The following WDR7 variants were observed in gnomAD, a reference collection of about 807,000 sequenced individuals.
The protein encoded by WDR7 is WD repeat-containing protein 7.
WDR7 carries 46 observed loss-of-function variants against 169.4 expected under a neutral mutation model. The ratio of observed to expected loss-of-function variants is 0.27; its 90% CI spans 0.21 to 0.35. WDR7 has a LOEUF of 0.35. WDR7 is among the 10% of genes least tolerant of loss of function. WDR7 has a pLI of 1.00. For synonymous variants in WDR7, 612 were observed against 666.8 expected, an observed-to-expected ratio of 0.92 and a Z score of 1.27; for missense variants, 1,534 against 1,859.3, an observed-to-expected ratio of 0.83 and a Z score of 3.22.
chr18:56,777,542 C>G (rs1298554810), intron 17 of WDR7, among the ~76,000 whole-genome samples: 1 of 152,094 alleles, frequency 6.6e-6, no homozygotes, highest in African/African-American at 2.4e-5. Flanking sequence ...TCCATAAGAC[C>G]TATCTAGGAT....
chr18:56,796,172 C>T (rs2044582717), intron 19 of WDR7, among the ~76,000 whole-genome samples: 2 of 152,154 alleles, frequency 1.3e-5, no homozygotes, highest in South Asian at 2.1e-4. Context: ...GTTCTCCCAG[C>T]TGGTGGAATT....
At chr18:56,817,790 G>A (rs1482987751) in intron 20 of WDR7, among the ~76,000 whole-genome samples, 3 of 150,314 alleles carry the variant, frequency 2.0e-5, no homozygotes, top group Non-Finnish European at 4.4e-5. Flanking sequence ...TTGTTGCCCA[G>A]GTTGGGGTGC....
chr18:56,737,496 G>T (rs1466965495), intron 14 of WDR7, among the ~76,000 whole-genome samples: 2 of 152,186 alleles, frequency 1.3e-5, no homozygotes, highest in Non-Finnish European at 2.9e-5. Context: ...AAATGATGAG[G>T]TTGAGGAAGT....
intron 16 of WDR7, among the ~76,000 whole-genome samples, chr18:56,764,587 A>C (rs1027394153): frequency 6.6e-6 from 1 of 152,134 alleles, no homozygotes; most frequent in African/African-American, 2.4e-5. Flanking sequence ...TTTTAAGTAT[A>C]TAATACATTG....
In WDR7 at chr18:56,924,007, G is replaced by C. The variant is rs149456946; in HGVS notation, c.3612G>C (p.Leu1204=). The C allele has an allele frequency of 2.8e-4, 459 of 1,612,434 alleles. No individual in the cohort carries two copies. The highest frequency in any genetic ancestry group is 3.6e-4 in the Non-Finnish European group (424 of 1,179,470). Residue 1204 remains leucine (L), a synonymous_variant, in exon 22 of 28, where the codon CTG becomes CTC. Transcript: ENST00000254442. The stretch of plus-strand genomic sequence containing the variant: ...CTATCCGAAGAACAGCCATTGATCT[G>C]ATTGGACGTGGGTTCACTGTTTGGG... ...HSTIRRTAID[L]IGRGFTVWEP... is the part of the protein sequence containing the mutation.
intron 20 of WDR7, among the ~76,000 whole-genome samples, chr18:56,860,478 T>G (rs1273376622): frequency 6.6e-6 from 1 of 152,132 alleles, no homozygotes; most frequent in Non-Finnish European, 1.5e-5. Context: ...AATGCTTCAG[T>G]GCCCTCTTCT....
chr18:56,794,304 A>ATTTTTTTTTTTTTTT (rs566857049), intron 19 of WDR7, among the ~76,000 whole-genome samples: 3,030 of 49,392 alleles, frequency 0.061, 1,077 homozygotes, highest in South Asian at 0.079. Context: ...GGTAAAGTCT[A>ATTTTTTTTTTTTTTT]TTTTTTTTTT....
chr18:56,992,967 C>G (rs1309259850), intron 26 of WDR7, among the ~76,000 whole-genome samples: 1 of 152,168 alleles, frequency 6.6e-6, no homozygotes, highest in East Asian at 1.9e-4. Context: ...CTTGCTGATT[C>G]AAACTACAAG....
chr18:56,766,266 T>C (rs550093600), intron 16 of WDR7, among the ~76,000 whole-genome samples: 1 of 152,284 alleles, frequency 6.6e-6, no homozygotes, highest in Non-Finnish European at 1.5e-5. Flanking sequence ...TCATGTTTCT[T>C]GTGGTTGGGG....
intron 26 of WDR7, among the ~76,000 whole-genome samples, chr18:57,017,248 CAGAT>C (rs1187432800): frequency 6.6e-6 from 1 of 152,210 alleles, no homozygotes; most frequent in East Asian, 1.9e-4. Context: ...ATGAACTCAC[CAGAT>C]GTACCAAGCC....
chr18:56,862,789 G>T (rs1237414827), intron 20 of WDR7, among the ~76,000 whole-genome samples: 1 of 151,676 alleles, frequency 6.6e-6, no homozygotes, highest in Non-Finnish European at 1.5e-5. Context: ...ATTGGATATT[G>T]CTATATCTCT....
At chr18:56,798,072 G>T (rs1240975238) in intron 19 of WDR7, among the ~76,000 whole-genome samples, 1 of 152,102 alleles carries the variant, frequency 6.6e-6, no homozygotes, top group Admixed American at 6.6e-5. Context: ...GTGCTATATT[G>T]ATGGACCAAA....
chr18:57,000,576 T>C (rs2047961866), intron 26 of WDR7, among the ~76,000 whole-genome samples: 1 of 152,200 alleles, frequency 6.6e-6, no homozygotes, highest in East Asian at 1.9e-4. Flanking sequence ...ATTGAACATT[T>C]GTAAGCTCAA....
chr18:56,693,808 G>A (rs2025634548), intron 9 of WDR7, among the ~76,000 whole-genome samples: 1 of 151,998 alleles, frequency 6.6e-6, no homozygotes, highest in Non-Finnish European at 1.5e-5. Context: ...TTGGCCTCAA[G>A]TGATCTGCCC....
intron 26 of WDR7, among the ~76,000 whole-genome samples, chr18:56,973,423 A>G (rs2145808214): frequency 6.6e-6 from 1 of 152,248 alleles, no homozygotes; most frequent in South Asian, 2.1e-4. Flanking sequence ...TTTCCCATCT[A>G]GCCATTCTCT....
intron 26 of WDR7, among the ~76,000 whole-genome samples, chr18:57,000,279 CAAG>C (rs1950449685): frequency 6.6e-6 from 1 of 151,892 alleles, no homozygotes; most frequent in Non-Finnish European, 1.5e-5. Context: ...ATTCAGTGGC[CAAG>C]AAGAAGAGAA....
chr18:56,914,397 T>C (rs2046595791), intron 21 of WDR7, among the ~76,000 whole-genome samples: 1 of 152,236 alleles, frequency 6.6e-6, no homozygotes, highest in African/African-American at 2.4e-5. Context: ...CAGAAGAGCA[T>C]AGACTTTTGT....
At chr18:56,862,654 T>A (rs1180185771) in intron 20 of WDR7, among the ~76,000 whole-genome samples, 1 of 151,882 alleles carries the variant, frequency 6.6e-6, no homozygotes, top group African/African-American at 2.4e-5. Flanking sequence ...GAAAATTTTT[T>A]AATTATGTCT....
At chr18:56,825,266 G>A (rs1460544358) in intron 20 of WDR7, among the ~76,000 whole-genome samples, 1 of 152,138 alleles carries the variant, frequency 6.6e-6, no homozygotes, top group Non-Finnish European at 1.5e-5. Context: ...GCATGTAAAG[G>A]TTGTTTGCAT....
Sources: gnomAD v4.1 joint callset for allele counts (sites outside exome capture counted in the v4.1 genomes callset) on GRCh38, gnomAD v4.1.1 for gene constraint, MANE v1.5 for transcripts, NCBI Gene and HGNC (gene_info 2026-07-23, HGNC 2026-07-21) for gene names.